CHORDC1: variants seen among roughly 807,000 people sequenced by gnomAD.
The protein encoded by CHORDC1 is cysteine and histidine rich domain containing 1.
In CHORDC1, 25 loss-of-function variants were observed where a neutral mutation model predicts 48.3. The observed-to-expected ratio is 0.52, with a 90% CI of 0.38 to 0.72. CHORDC1 has a LOEUF of 0.72. CHORDC1 is among the 30% of genes least tolerant of loss of function. The pLI is 0.00. For missense variants in CHORDC1, 317 were observed against 388.7 expected, an observed-to-expected ratio of 0.82 and a Z score of 1.55; for synonymous variants, 128 against 126.4, an observed-to-expected ratio of 1.01 and a Z score of -0.09.
chr11:90,213,126 T>C (rs1276099130), intron 4 of CHORDC1: 3 of 318,740 alleles, frequency 9.4e-6, no homozygotes, highest in East Asian at 5.0e-5. Flanking sequence ...GGAGAGAGAA[T>C]AAAATCATCC....
chr11:90,215,970 A>G lies in CHORDC1; in HGVS notation c.115-740T>C, dbSNP rs112681183. ...TCCGCCTGGACCTCGCTGATTTTCA[A>G]AAGACTGCATAAAAATATGGTAGTG... is the stretch of plus-strand genomic sequence containing the variant. On this transcript the variant is annotated intron_variant, in intron 2 of 10. Transcript: ENST00000320585. Among the ~76,000 whole-genome samples the G allele has an allele frequency of 3.1e-3, 476 of 152,204 alleles. 2 individuals are homozygous for G. Among genetic ancestry groups the G allele is most frequent in the African/African-American group, 0.011 (452 of 41,564 alleles).
chr11:90,205,159 G>A (rs1443614431), intron 8 of CHORDC1, among the ~76,000 whole-genome samples: 2 of 152,082 alleles, frequency 1.3e-5, no homozygotes, highest in Non-Finnish European at 2.9e-5. Flanking sequence ...CAAAAAGTAG[G>A]AAGAGGCCAT....
intron 1 of CHORDC1, among the ~76,000 whole-genome samples, chr11:90,218,853 G>C (rs977734092): frequency 1.8e-4 from 27 of 152,184 alleles, no homozygotes; most frequent in African/African-American, 6.5e-4. Flanking sequence ...GAGCACCTCT[G>C]CCTGGCCACT....
At chr11:90,219,462 C>T (rs770687763) in intron 1 of CHORDC1, among the ~76,000 whole-genome samples, 5 of 152,188 alleles carry the variant, frequency 3.3e-5, no homozygotes, top group Non-Finnish European at 5.9e-5. Flanking sequence ...TCAACAAAAT[C>T]TCTGCAGCAC....
intron 6 of CHORDC1, among the ~76,000 whole-genome samples, chr11:90,210,331 A>G (rs1190064616): frequency 6.6e-6 from 1 of 152,042 alleles, no homozygotes; most frequent in Non-Finnish European, 1.5e-5. Flanking sequence ...GTAAATGTTA[A>G]GTGAATTGGA....
intron 4 of CHORDC1, 160 bp downstream of exon 4, chr11:90,213,854 GAAAT>G (rs1278468829): frequency 6.9e-6 from 4 of 580,516 alleles, no homozygotes; most frequent in Non-Finnish European, 1.2e-5. Context: ...AAGTTGAAGA[GAAAT>G]AAAAATTTAA....
At chr11:90,207,699 T>C (rs1021113027) in intron 6 of CHORDC1, 1 of 138,514 alleles carries the variant, frequency 7.2e-6, no homozygotes, top group African/African-American at 2.7e-5. Flanking sequence ...GCAGTCATCA[T>C]TAGGGAAGTA....
intron 6 of CHORDC1, among the ~76,000 whole-genome samples, chr11:90,210,039 T>C (rs1032945758): frequency 6.6e-6 from 1 of 152,196 alleles, no homozygotes; most frequent in African/African-American, 2.4e-5. Context: ...CCTCTGCTCA[T>C]GTTACTGCAT....
At chr11:90,222,661 C>T in intron 1 of CHORDC1, 1 of 692,354 alleles carries the variant, frequency 1.4e-6, no homozygotes, top group Non-Finnish European at 2.6e-6. Context: ...TCTCTCTCCG[C>T]AGTGGCAGAG....
In CHORDC1 at chr11:90,201,144, A is replaced by C. The variant is rs1857534616; in HGVS notation, c.*1261T>G. ...TTATTCACGAAAATAGTACTTCTGC[A>C]AATTTTTCTTTGTAAGAATTCCATA... On this transcript the variant is annotated 3_prime_UTR_variant, in exon 11 of 11. Coordinates refer to ENST00000320585, the MANE Select transcript of CHORDC1 (RefSeq NM_012124.3). The C allele has an allele frequency of 6.6e-6, 1 of 152,038 alleles. No individual in the cohort carries two copies. Among genetic ancestry groups the C allele is most frequent in the South Asian group, 2.1e-4 (1 of 4,834 alleles). 9.4% of individuals were successfully genotyped at this position (152,038 alleles called of 1,614,324 possible). A position where few individuals can be genotyped will look rare whatever the true frequency, so the allele number is the denominator to read the frequency against.
Position 90,218,203 on chromosome 11 carries a change from A to AG in CHORDC1, c.65-20_65-19insC. On this transcript the variant is annotated intron_variant, in intron 1 of 10. Transcript: ENST00000320585. ...CAAGCATCTGGAGAAAACAGAGAAA[A>AG]AAAAAAAAGTACCACTCTTTATAAT... is the stretch of plus-strand genomic sequence containing the variant. 1 of 1,560,604 alleles carries AG rather than the reference A, an allele frequency of 6.4e-7. No individual in the cohort carries two copies. The highest frequency in any genetic ancestry group is 8.6e-7 in the Non-Finnish European group (1 of 1,159,078).
chr11:90,216,302 T>C (rs573474894), intron 2 of CHORDC1, among the ~76,000 whole-genome samples: 3 of 152,310 alleles, frequency 2.0e-5, no homozygotes, highest in Non-Finnish European at 4.4e-5. Flanking sequence ...CTGGATTCTA[T>C]GCTAGTCTTC....
At chr11:90,214,206 A>G (rs781426445) in intron 3 of CHORDC1, 31 bp from the exon 4 acceptor site, 2 of 1,489,484 alleles carry the variant, frequency 1.3e-6, no homozygotes, top group Non-Finnish European at 1.8e-6. Flanking sequence ...ATTAAGAGCT[A>G]TCTATTTTAC....
chr11:90,216,621 A>G, intron 2 of CHORDC1: 1 of 402,200 alleles, frequency 2.5e-6, no homozygotes, highest in Non-Finnish European at 4.8e-6. Flanking sequence ...GAGAAGCAAA[A>G]ATACTTCAAA....
intron 6 of CHORDC1, chr11:90,206,989 C>T (rs1362406708): frequency 8.8e-6 from 3 of 339,380 alleles, no homozygotes; most frequent in Non-Finnish European, 1.7e-5. Context: ...TTCACAAGAA[C>T]ATAAAACTCA....
At chr11:90,212,145 T>C (rs567529037) in intron 4 of CHORDC1, 1 of 152,206 alleles carries the variant, frequency 6.6e-6, no homozygotes, top group Admixed American at 6.5e-5. Context: ...ACTGATATGG[T>C]TTCCCTGTGT....
At chr11:90,213,303 A>G (rs2135046162) in intron 4 of CHORDC1, 1 of 635,630 alleles carries the variant, frequency 1.6e-6, no homozygotes, top group Admixed American at 2.7e-5. Flanking sequence ...CATAGCATGA[A>G]TAAAAATTAC....
intron 1 of CHORDC1, among the ~76,000 whole-genome samples, chr11:90,220,962 C>T (rs1290287240): frequency 6.6e-6 from 1 of 151,994 alleles, no homozygotes. Flanking sequence ...CTCCCTTAAA[C>T]ACCCTTTAAC....
Position 90,203,346 on chromosome 11 carries a change from G to GT in CHORDC1, c.750dup (p.Leu251ThrfsTer5). 6.3e-7 allele frequency: 1 copy of GT among 1,599,468 alleles called. No individual in the cohort carries two copies. ...GCTTCTACTCGGCTAAGTTCTGGAA[G>GT]TGAGTTTTTAGCATATACTGAAATG... On this transcript the variant is annotated frameshift_variant, in exon 9 of 11. Transcript: ENST00000320585. LOFTEE classifies it high-confidence loss of function.
Sources: gnomAD v4.1 joint callset for allele counts (sites outside exome capture counted in the v4.1 genomes callset) on GRCh38, gnomAD v4.1.1 for gene constraint, MANE v1.5 for transcripts, NCBI Gene and HGNC (gene_info 2026-07-23, HGNC 2026-07-21) for gene names.